The following ANO2 variants were observed in gnomAD, a reference collection of about 807,000 sequenced individuals.
The protein encoded by ANO2 is anoctamin-2.
In ANO2, 101 loss-of-function variants were observed where a neutral mutation model predicts 124.2. The observed-to-expected ratio is 0.81, with a 90% CI of 0.69 to 0.96. The LOEUF is 0.96. ANO2 is among the 40% of genes least tolerant of loss of function. The pLI is 0.00. For synonymous variants in ANO2, 486 were observed against 482.5 expected, an observed-to-expected ratio of 1.01 and a Z score of -0.09; for missense variants, 1,293 against 1,274.5, an observed-to-expected ratio of 1.01 and a Z score of -0.22.
chr12:5,749,839 T>G (rs1006472420), intron 11 of ANO2, among the ~76,000 whole-genome samples: 1 of 152,238 alleles, frequency 6.6e-6, no homozygotes, highest in Non-Finnish European at 1.5e-5. Context: ...CGATTACCAT[T>G]TTACAGCCAA....
chr12:5,651,791 G>T (rs1259427493), intron 14 of ANO2, among the ~76,000 whole-genome samples: 1 of 152,118 alleles, frequency 6.6e-6, no homozygotes, highest in Non-Finnish European at 1.5e-5. Context: ...TCTGTTTTAT[G>T]CCCCTCTGGT....
Position 5,733,676 on chromosome 12 carries a change from C to G in ANO2, c.1435-1046G>C, listed in dbSNP as rs557005257. On this transcript the variant is annotated intron_variant, in intron 13 of 24. Coordinates refer to ENST00000682330, the MANE Select transcript of ANO2 (RefSeq NM_001364791.2). ...ACGCCATGATGCAGGAGAGGACAGA[C>G]CATGTAAGTGACTAACAAGCATAAC... is the stretch of plus-strand genomic sequence containing the variant. Among the ~76,000 whole-genome samples, 20 of 152,286 alleles carry G rather than the reference C, an allele frequency of 1.3e-4. No individual in the cohort carries two copies. In the East Asian group the frequency reaches 3.9e-3, roughly 29 times the overall value.
chr12:5,691,862 C>T (rs1250696445), intron 14 of ANO2, among the ~76,000 whole-genome samples: 1 of 151,914 alleles, frequency 6.6e-6, no homozygotes, highest in Non-Finnish European at 1.5e-5. Context: ...AGATCATGTG[C>T]CACTGCACTC....
intron 14 of ANO2, among the ~76,000 whole-genome samples, chr12:5,695,539 C>T (rs1949131942): frequency 6.6e-6 from 1 of 152,216 alleles, no homozygotes; most frequent in South Asian, 2.1e-4. Flanking sequence ...GCAAAACACA[C>T]TTCTAAATAA....
At chr12:5,937,369 T>C (rs547782236) in intron 1 of ANO2, among the ~76,000 whole-genome samples, 1 of 152,322 alleles carries the variant, frequency 6.6e-6, no homozygotes, top group South Asian at 2.1e-4. Flanking sequence ...TTTGGAGAAA[T>C]GTCTATCCAG....
intron 14 of ANO2, among the ~76,000 whole-genome samples, chr12:5,692,372 T>G (rs1026823494): frequency 6.6e-6 from 1 of 152,080 alleles, no homozygotes. Flanking sequence ...AGCTGGAGAT[T>G]TGGATGAACT....
chr12:5,844,643 G>T (rs1203323996), intron 4 of ANO2, among the ~76,000 whole-genome samples: 1 of 152,108 alleles, frequency 6.6e-6, no homozygotes, highest in Non-Finnish European at 1.5e-5. Flanking sequence ...CAGGAATGTG[G>T]AATAACTCAC....
At chr12:5,619,442 G>A (rs556449623) in intron 16 of ANO2, among the ~76,000 whole-genome samples, 1 of 152,290 alleles carries the variant, frequency 6.6e-6, no homozygotes, top group East Asian at 1.9e-4. Context: ...TCCTACTTGT[G>A]TGAGGCCTCC....
At chr12:5,898,379 A>G (rs1344199902) in intron 3 of ANO2, among the ~76,000 whole-genome samples, 1 of 152,234 alleles carries the variant, frequency 6.6e-6, no homozygotes, top group Non-Finnish European at 1.5e-5. Context: ...TGACCCAGCA[A>G]TTCCACTCCT....
intron 15 of ANO2, among the ~76,000 whole-genome samples, chr12:5,643,953 T>G (rs1199075406): frequency 6.6e-6 from 1 of 152,214 alleles, no homozygotes; most frequent in African/African-American, 2.4e-5. Flanking sequence ...GTTGCAAATA[T>G]ATTATCCCAT....
chr12:5,879,539 G>A (rs6489667), intron 3 of ANO2, among the ~76,000 whole-genome samples: 2 of 152,116 alleles, frequency 1.3e-5, no homozygotes, highest in South Asian at 4.2e-4. Context: ...ATATCTAGGA[G>A]GGAAACAGAC....
intron 19 of ANO2, among the ~76,000 whole-genome samples, chr12:5,611,627 C>T (rs981322283): frequency 1.3e-5 from 2 of 152,152 alleles, no homozygotes; most frequent in African/African-American, 4.8e-5. Flanking sequence ...TTAAAGTAGC[C>T]ACCCTGAATT....
intron 15 of ANO2, among the ~76,000 whole-genome samples, chr12:5,642,334 GTC>G (rs1248076705): frequency 1.3e-5 from 2 of 152,088 alleles, no homozygotes; most frequent in Non-Finnish European, 2.9e-5. Context: ...CAGCCTGGAC[GTC>G]TTCCCTGAAC....
At position 5,799,436 on chromosome 12, in the gene ANO2, A is replaced by G. The variant is rs1456983913; in HGVS notation, c.1055+71T>C. The stretch of plus-strand genomic sequence containing the variant: ...CTTGAGCAAAGGACTGTCAGAGTCA[A>G]AAGGTTTATGATACATCTTTCAGGA... On this transcript the variant is annotated intron_variant, in intron 10 of 24. Transcript: ENST00000682330. The G allele has an allele frequency of 4.5e-6, 6 of 1,334,356 alleles. No individual in the cohort carries two copies. The Admixed American group carries it at 5.5e-5, about 12-fold the overall frequency. 82.7% of individuals were successfully genotyped at this position (1,334,356 alleles called of 1,614,324 possible).
At chr12:5,667,558 T>C (rs571544819) in intron 14 of ANO2, among the ~76,000 whole-genome samples, 57 of 152,164 alleles carry the variant, frequency 3.7e-4, no homozygotes, top group Non-Finnish European at 5.3e-4. Context: ...TATTTTTATT[T>C]CAAGTTCCAG....
At chr12:5,627,438 GC>G (rs1014956488) in intron 16 of ANO2, among the ~76,000 whole-genome samples, 1 of 152,172 alleles carries the variant, frequency 6.6e-6, no homozygotes, top group African/African-American at 2.4e-5. Context: ...AGAGGCATAG[GC>G]CCCATTCCCC....
At chr12:5,605,522 G>A (rs1396756043) in intron 19 of ANO2, among the ~76,000 whole-genome samples, 1 of 152,160 alleles carries the variant, frequency 6.6e-6, no homozygotes, top group African/African-American at 2.4e-5. Flanking sequence ...CTCAAAGCAT[G>A]CCCAGGAAAC....
At chr12:5,669,662 G>A (rs1216109786) in intron 14 of ANO2, among the ~76,000 whole-genome samples, 3 of 152,136 alleles carry the variant, frequency 2.0e-5, no homozygotes, top group Non-Finnish European at 4.4e-5. Context: ...GGATGATATT[G>A]GCTGTGGGTT....
In ANO2 at chr12:5,739,361, G is replaced by A. The variant is rs201292658; in HGVS notation, c.1390C>T (p.Arg464Ter). 1.5e-4 allele frequency: 240 copies of A among 1,607,250 alleles called. No homozygotes were observed. Among genetic ancestry groups the A allele is most frequent in the Non-Finnish European group, 1.8e-4 (206 of 1,177,048 alleles). ...FLENWKRLQMRLGYFWDLTGI... is the reference protein window; with the variant it reads ...FLENWKRLQM ...GTCAGGTCCCAAAAGTAGCCCAGTC[G>A]CATCTGTAGCCTCTTCCAGTTTTCC... Residue 464 changes from arginine to a stop codon, truncating the protein, a stop_gained, in exon 13 of 25, where the codon CGA becomes TGA. Coordinates refer to ENST00000682330, the MANE Select transcript of ANO2 (RefSeq NM_001364791.2). LOFTEE classifies it high-confidence loss of function.
Sources: allele counts gnomAD v4.1 joint callset (sites outside exome capture counted in the v4.1 genomes callset), GRCh38; gene constraint gnomAD v4.1.1; transcripts MANE v1.5; gene names NCBI Gene and HGNC (gene_info 2026-07-23, HGNC 2026-07-21).